The following SLC43A1 variants were observed in gnomAD, a reference collection of about 807,000 sequenced individuals.
The protein encoded by SLC43A1 is solute carrier family 43 member 1.
A neutral mutation model predicts 59.5 loss-of-function variants in SLC43A1; 31 were observed. The ratio of observed to expected loss-of-function variants is 0.52; its 90% CI spans 0.39 to 0.70. The LOEUF (loss-of-function observed/expected upper bound fraction) is 0.70, where lower values mean the gene tolerates loss of function less well. Among genes scored for constraint, SLC43A1 ranks in the 30% least tolerant of loss-of-function variants. The pLI is 0.00. For synonymous variants in SLC43A1, 259 were observed against 290.9 expected, an observed-to-expected ratio of 0.89 and a Z score of 1.12; for missense variants, 598 against 717.8, an observed-to-expected ratio of 0.83 and a Z score of 1.91.
chr11:57,485,909 G>A (rs2135137734), intron 14 of SLC43A1, among the ~76,000 whole-genome samples: 1 of 152,380 alleles, frequency 6.6e-6, no homozygotes, highest in East Asian at 1.9e-4. Flanking sequence ...TGGGAGGAGG[G>A]TTTACGTGTG....
chr11:57,496,066 G>C lies in SLC43A1; in HGVS notation c.657C>G (p.Ile219Met), dbSNP rs774092459. 8.1e-6 allele frequency: 13 copies of C among 1,614,100 alleles called. No individual in the cohort carries two copies. The highest frequency in any genetic ancestry group is 1.0e-5 in the Non-Finnish European group (12 of 1,180,004). ...CTTCCTCAGGGGCAGGAAAGGCTTC[G>C]ATGGGCCAGTTGAGGGTGCAGTTCA... Reference protein sequence around the residue: ...IFLNCTLNWPIEAFPAPEEVN... With the variant: ...IFLNCTLNWPMEAFPAPEEVN... Residue 219 changes from isoleucine (I) to methionine (M), a missense_variant, in exon 7 of 15, where the codon ATC (isoleucine) becomes ATG (methionine). Coordinates refer to ENST00000278426, the MANE Select transcript of SLC43A1 (RefSeq NM_003627.6).
intron 2 of SLC43A1, among the ~76,000 whole-genome samples, chr11:57,512,794 C>A (rs1944583731): frequency 6.6e-6 from 1 of 152,080 alleles, no homozygotes; most frequent in African/African-American, 2.4e-5. Flanking sequence ...ATAATTGGGG[C>A]CAGGAGGCAT....
chr11:57,507,346 T>C (rs1473025263), intron 2 of SLC43A1, among the ~76,000 whole-genome samples: 1 of 152,200 alleles, frequency 6.6e-6, no homozygotes, highest in Admixed American at 6.5e-5. Context: ...GGCACAGGCC[T>C]GTAATCCCAG....
chr11:57,492,574 A>AT (rs1565128046), intron 8 of SLC43A1, among the ~76,000 whole-genome samples: 204 of 18,174 alleles, frequency 0.011, no homozygotes, highest in East Asian at 0.041. Flanking sequence ...ATATATATAT[A>AT]AAAAAATAAG....
chr11:57,513,943 C>CCCCA lies in SLC43A1; in HGVS notation c.154+14_154+15insTGGG. The CCCCA allele has an allele frequency of 2.4e-5, 35 of 1,454,514 alleles. No individual in the cohort carries two copies. Among genetic ancestry groups the CCCCA allele is most frequent in the East Asian group, 7.2e-5 (3 of 41,808 alleles). 90.1% of individuals were successfully genotyped at this position (1,454,514 alleles called of 1,614,324 possible). A position where few individuals can be genotyped will look rare whatever the true frequency, so the allele number is the denominator to read the frequency against. ...ATCCCTCCCCCCAGCCCACCCAGCC[C>CCCCA]ATTTTCAGGCATACCTGGGCACGTG... On this transcript the variant is annotated intron_variant, in intron 2 of 14. Coordinates refer to ENST00000278426, the MANE Select transcript of SLC43A1 (RefSeq NM_003627.6).
At chr11:57,489,429 C>G in intron 11 of SLC43A1, 37 bp from the exon 12 acceptor site, 1 of 1,610,820 alleles carries the variant, frequency 6.2e-7, no homozygotes, top group Non-Finnish European at 8.5e-7. Context: ...GCTGCCTCTA[C>G]GTTCCCAGGA....
At chr11:57,492,221 T>TA (rs1421008824) in intron 8 of SLC43A1, among the ~76,000 whole-genome samples, 2,520 of 131,584 alleles carry the variant, frequency 0.019, 48 homozygotes, top group Non-Finnish European at 0.027. Context: ...ATATATATAT[T>TA]TATTTATTTA....
Position 57,487,089 on chromosome 11 carries a change from T to A in SLC43A1, c.1533+6A>T. ...CTGCTCCCCCCACACCAACCCTCGC[T>A]CTCACCCAGAAGGGCTCTCCTTTCA... On this transcript the variant is annotated splice_donor_region_variant and intron_variant, in intron 14 of 14. Transcript: ENST00000278426. 1 of 1,613,202 alleles carries A rather than the reference T, an allele frequency of 6.2e-7. No homozygotes were observed.
chr11:57,500,474 G>A (rs1180374595), intron 5 of SLC43A1, among the ~76,000 whole-genome samples: 1 of 152,208 alleles, frequency 6.6e-6, no homozygotes, highest in African/African-American at 2.4e-5. Context: ...CAGGGAGGAT[G>A]ACTCGGTCAG....
In SLC43A1 at chr11:57,501,262, C is replaced by T. The variant is rs747311077; in HGVS notation, c.222G>A (p.Glu74=). 2 of 1,612,336 alleles carry T rather than the reference C, an allele frequency of 1.2e-6. No homozygotes were observed. Among genetic ancestry groups the T allele is most frequent in the Admixed American group, 3.3e-5 (2 of 60,012 alleles). ...CAATGGTGAAGCCCAGGTTGAGCAT[C>T]TCGTCCTGCTGGTCACAGCCTGGCC... ...RRWPGCDQQD[E]MLNLGFTIGS... Residue 74 remains glutamate, a synonymous_variant, in exon 3 of 15, where the codon GAG becomes GAA. Coordinates refer to ENST00000278426, the MANE Select transcript of SLC43A1 (RefSeq NM_003627.6).
chr11:57,501,131 C>T (rs377454104), intron 3 of SLC43A1, 21 bp downstream of exon 3: 20 of 1,612,716 alleles, frequency 1.2e-5, no homozygotes, highest in African/African-American at 6.7e-5. Flanking sequence ...CCTCCCGTTC[C>T]CCATAGCCCA....
chr11:57,509,647 A>AAGGAAGTT (rs1944480384), intron 2 of SLC43A1, among the ~76,000 whole-genome samples: 4 of 124,932 alleles, frequency 3.2e-5, no homozygotes, highest in African/African-American at 1.2e-4. Flanking sequence ...GGAAGGAAGG[A>AAGGAAGTT]AGGAGGGAGG....
In SLC43A1 at chr11:57,509,749, A is replaced by G. The variant is rs552913154; in HGVS notation, c.154+4209T>C. On this transcript the variant is annotated intron_variant, in intron 2 of 14. Transcript: ENST00000278426. ...AGGAAGGAAGGAAGGAAGGAAGGAA[A>G]GAAGGAAACACAGGTGTAAATCTTT... Among the ~76,000 whole-genome samples the G allele has an allele frequency of 4.0e-5, 6 of 149,966 alleles. No individual in the cohort carries two copies. The South Asian group carries it at 8.5e-4, about 21-fold the overall frequency.
At chr11:57,494,708 G>A (rs116362127) in intron 7 of SLC43A1, among the ~76,000 whole-genome samples, 1,691 of 152,264 alleles carry the variant, frequency 0.011, 31 homozygotes, top group African/African-American at 0.038. Context: ...TTGGCATTCA[G>A]GTGGCTCCAC....
chr11:57,486,493 C>G (rs1943729089), intron 14 of SLC43A1, among the ~76,000 whole-genome samples: 1 of 149,180 alleles, frequency 6.7e-6, no homozygotes, highest in Non-Finnish European at 1.5e-5. Flanking sequence ...AAGACACCTT[C>G]TCTACAAAAA....
chr11:57,484,830 TCTC>T lies in SLC43A1; in HGVS notation c.*263_*265del. On this transcript the variant is annotated 3_prime_UTR_variant, in exon 15 of 15. Coordinates refer to ENST00000278426, the MANE Select transcript of SLC43A1 (RefSeq NM_003627.6). ...TAGAAGGAGATAAGAGGCACCCTGG[TCTC>T]CTCCAACCCAAGGAGGAAGAAGGCT... 2.8e-6 allele frequency: 1 copy of T among 358,382 alleles called. No homozygotes were observed. Among genetic ancestry groups the T allele is most frequent in the Non-Finnish European group, 5.1e-6 (1 of 197,206 alleles). The allele number at this position is 358,382 out of a possible 1,614,324, so 22.2% of individuals were successfully genotyped here. A position where few individuals can be genotyped will look rare whatever the true frequency, so the allele number is the denominator to read the frequency against.
chr11:57,508,078 C>A (rs1396216283), intron 2 of SLC43A1, among the ~76,000 whole-genome samples: 1 of 152,140 alleles, frequency 6.6e-6, no homozygotes, highest in Non-Finnish European at 1.5e-5. Flanking sequence ...ACCAGCCTGA[C>A]CAATATGGTG....
intron 8 of SLC43A1, among the ~76,000 whole-genome samples, chr11:57,492,536 GTATA>G (rs71061509): frequency 0.097 from 7,719 of 79,324 alleles, 324 homozygotes; most frequent in Non-Finnish European, 0.13. Flanking sequence ...ATAATTTTGT[GTATA>G]TATATATATA....
chr11:57,504,829 C>T (rs1944353835), intron 2 of SLC43A1, among the ~76,000 whole-genome samples: 1 of 152,208 alleles, frequency 6.6e-6, no homozygotes, highest in Admixed American at 6.5e-5. Flanking sequence ...TCAATTCATA[C>T]ATTCATTCCT....
Sources: allele counts gnomAD v4.1 joint callset (sites outside exome capture counted in the v4.1 genomes callset), GRCh38; gene constraint gnomAD v4.1.1; transcripts MANE v1.5; gene names NCBI Gene and HGNC (gene_info 2026-07-23, HGNC 2026-07-21).